The following SLC8A1 variants were observed in gnomAD, a reference collection of about 807,000 sequenced individuals.
SLC8A1 encodes the protein solute carrier family 8 member A1.
SLC8A1 carries 18 observed loss-of-function variants against 68.3 expected under a neutral mutation model. The observed-to-expected ratio is 0.26, with a 90% CI of 0.18 to 0.39. SLC8A1 has a LOEUF of 0.39. Among genes scored for constraint, SLC8A1 ranks in the 10% least tolerant of loss-of-function variants. SLC8A1 has a pLI of 1.00. For synonymous variants in SLC8A1, 475 were observed against 415.5 expected (o/e 1.14, Z -1.74); for missense variants, 985 against 1,156.7 (o/e 0.85, Z 2.15).
chr2:40,126,791 T>A (rs1443081340), intron 7 of SLC8A1, among the ~76,000 whole-genome samples: 1 of 152,190 alleles, frequency 6.6e-6, no homozygotes. Context: ...TCATCCTCTG[T>A]GCTACCTGAA....
intron 1 of SLC8A1, among the ~76,000 whole-genome samples, chr2:40,495,438 TTTC>T (rs1705629246): frequency 6.6e-6 from 1 of 152,068 alleles, no homozygotes; most frequent in East Asian, 1.9e-4. Context: ...AGAGTGTTTT[TTTC>T]TTCTTCTTCA....
rs76689333 is a variant in SLC8A1, at chr2:40,280,119, T to G, written c.1809-102264A>C. Among the ~76,000 whole-genome samples the G allele has an allele frequency of 4.0e-3, 610 of 152,132 alleles. 2 individuals are homozygous for G. Among genetic ancestry groups the G allele is most frequent in the South Asian group, 8.1e-3 (39 of 4,826 alleles). ...TAGCCTTTTAGATAGATTTCTGCTT[T>G]TAAAGATTATCTCTGGATTGCAAAA... is the stretch of plus-strand genomic sequence containing the variant. On this transcript the variant is annotated intron_variant, in intron 2 of 7. Coordinates refer to ENST00000406785, the Ensembl canonical transcript of SLC8A1.
chr2:40,352,756 A>T (rs1410780573), intron 2 of SLC8A1, among the ~76,000 whole-genome samples: 1 of 152,210 alleles, frequency 6.6e-6, no homozygotes, highest in Non-Finnish European at 1.5e-5. Context: ...TTTTCCGAAC[A>T]AGTTGACTGC....
chr2:40,432,401 T>TTGTGTGTGTGTGTGTGTGTGTGTGTG (rs112824729), intron 1 of SLC8A1, among the ~76,000 whole-genome samples: 13 of 128,840 alleles, frequency 1.0e-4, no homozygotes, highest in Non-Finnish European at 1.9e-4. Context: ...GAGTGTGAGA[T>TTGTGTGTGTGTGTGTGTGTGTGTGTG]TGTGTGTGTG....
intron 1 of SLC8A1, among the ~76,000 whole-genome samples, chr2:40,488,972 T>C (rs1705148759): frequency 6.6e-6 from 1 of 152,122 alleles, no homozygotes; most frequent in East Asian, 1.9e-4. Flanking sequence ...AATATCTGTT[T>C]CAGAGTCCCA....
intron 7 of SLC8A1, among the ~76,000 whole-genome samples, chr2:40,126,388 T>G (rs184383919): frequency 6.6e-6 from 1 of 152,356 alleles, no homozygotes; most frequent in African/African-American, 2.4e-5. Flanking sequence ...TGTGATCATT[T>G]GTTGGATATT....
At chr2:40,172,174 G>A (rs1418252927) in intron 4 of SLC8A1, among the ~76,000 whole-genome samples, 2 of 152,138 alleles carry the variant, frequency 1.3e-5, no homozygotes, top group Admixed American at 6.5e-5. Flanking sequence ...GCTGCTTTTC[G>A]CTGTAGACCT....
chr2:40,122,197 TGC>T (rs58019753), intron 7 of SLC8A1, among the ~76,000 whole-genome samples: 1 of 116,122 alleles, frequency 8.6e-6, no homozygotes, highest in South Asian at 2.7e-4. Context: ...CACAAGTGCA[TGC>T]GCGCGCGCAC....
intron 2 of SLC8A1, among the ~76,000 whole-genome samples, chr2:40,265,227 G>C (rs1574909240): frequency 6.6e-6 from 1 of 152,112 alleles, no homozygotes; most frequent in Non-Finnish European, 1.5e-5. Context: ...TTAGGTCACT[G>C]CAATGTTTAC....
At chr2:40,159,191 A>G (rs7570522) in intron 6 of SLC8A1, among the ~76,000 whole-genome samples, 28,217 of 152,128 alleles carry the variant, frequency 0.19, 3,103 homozygotes, top group African/African-American at 0.29. Context: ...GCTTTCCTCT[A>G]TGACAAACTT....
chr2:40,332,172 T>TA (rs1193739842), intron 2 of SLC8A1, among the ~76,000 whole-genome samples: 1 of 152,110 alleles, frequency 6.6e-6, no homozygotes, highest in Non-Finnish European at 1.5e-5. Context: ...GGCAACACCG[T>TA]AAGTATTTTA....
intron 2 of SLC8A1, among the ~76,000 whole-genome samples, chr2:40,282,372 C>T (rs2067653069): frequency 6.6e-6 from 1 of 152,272 alleles, no homozygotes; most frequent in East Asian, 1.9e-4. Flanking sequence ...TTTTCACACT[C>T]AGCAAGGGTA....
At chr2:40,383,195 A>T (rs1682456857) in intron 2 of SLC8A1, among the ~76,000 whole-genome samples, 1 of 152,148 alleles carries the variant, frequency 6.6e-6, no homozygotes, top group Admixed American at 6.6e-5. Flanking sequence ...AACATAAATC[A>T]TGGAGCAAAG....
At chr2:40,226,110 T>C (rs1270186396) in intron 2 of SLC8A1, among the ~76,000 whole-genome samples, 1 of 152,142 alleles carries the variant, frequency 6.6e-6, no homozygotes, top group African/African-American at 2.4e-5. Flanking sequence ...GACAGTTGGT[T>C]TTATTGCTTT....
intron 2 of SLC8A1, among the ~76,000 whole-genome samples, chr2:40,317,404 T>G (rs1229360886): frequency 6.6e-6 from 1 of 152,042 alleles, no homozygotes; most frequent in Non-Finnish European, 1.5e-5. Flanking sequence ...AAATTCTGAC[T>G]CATGTCAACA....
At chr2:40,405,782 C>T (rs532317258) in intron 2 of SLC8A1, among the ~76,000 whole-genome samples, 2 of 152,208 alleles carry the variant, frequency 1.3e-5, no homozygotes, top group Admixed American at 6.5e-5. Context: ...CTTCCCTTGT[C>T]CTCCTATTCC....
chr2:40,172,334 C>T (rs755261161), intron 4 of SLC8A1, among the ~76,000 whole-genome samples: 1 of 152,176 alleles, frequency 6.6e-6, no homozygotes, highest in Admixed American at 6.5e-5. Context: ...AGTTTTGGAA[C>T]ATTCTCTTGT....
At chr2:40,184,571 G>A (rs1246990581) in intron 2 of SLC8A1, among the ~76,000 whole-genome samples, 1 of 152,150 alleles carries the variant, frequency 6.6e-6, no homozygotes, top group Non-Finnish European at 1.5e-5. Flanking sequence ...GGGAGCTCTG[G>A]CGATACGTTT....
At chr2:40,399,913 G>A (rs954563733) in intron 2 of SLC8A1, among the ~76,000 whole-genome samples, 9 of 152,058 alleles carry the variant, frequency 5.9e-5, no homozygotes, top group African/African-American at 1.9e-4. Flanking sequence ...ACCGCCCGGC[G>A]CCACACCCTG....
Sources: gnomAD v4.1 joint callset for allele counts (sites outside exome capture counted in the v4.1 genomes callset) on GRCh38, gnomAD v4.1.1 for gene constraint, MANE v1.5 for transcripts, NCBI Gene and HGNC (gene_info 2026-07-23, HGNC 2026-07-21) for gene names.